Variants in SDK1 observed in about 807,000 individuals in gnomAD.
SDK1 encodes the protein sidekick cell adhesion molecule 1.
SDK1 carries 157 observed loss-of-function variants against 245.5 expected under a neutral mutation model. The observed-to-expected ratio is 0.64, with a 90% CI of 0.56 to 0.73. The LOEUF is 0.73. Among genes scored for constraint, SDK1 ranks in the 30% least tolerant of loss-of-function variants. The pLI is 0.00. For missense variants in SDK1, 3,583 were observed against 3,002.3 expected, an observed-to-expected ratio of 1.19 and a Z score of -4.52; for synonymous variants, 1,647 against 1,278.5, an observed-to-expected ratio of 1.29 and a Z score of -6.15.
Position 3,397,377 on chromosome 7 carries a change from G to T in SDK1, c.298+95493G>T, listed in dbSNP as rs982314612. Among the ~76,000 whole-genome samples the T allele has an allele frequency of 4.0e-5, 6 of 151,898 alleles. 1 individual carries two copies. In the South Asian group the frequency reaches 6.2e-4, roughly 16 times the overall value. On this transcript the variant is annotated intron_variant, in intron 1 of 44. Coordinates refer to ENST00000404826, the MANE Select transcript of SDK1 (RefSeq NM_152744.4). ...TGTTTCTTGTAGAGCAATTCTGCTGGTGACAAATTCTCTCATTTTTTCTTT... is the reference window on the plus strand; with the variant it reads ...TGTTTCTTGTAGAGCAATTCTGCTGTTGACAAATTCTCTCATTTTTTCTTT...
At chr7:4,013,158 T>G (rs1377778245) in intron 16 of SDK1, among the ~76,000 whole-genome samples, 1 of 152,220 alleles carries the variant, frequency 6.6e-6, no homozygotes, top group East Asian at 1.9e-4. Context: ...GCCAGTGTGC[T>G]GTCTTTGCTT....
chr7:3,524,198 G>C (rs1783040931), intron 1 of SDK1, among the ~76,000 whole-genome samples: 1 of 152,190 alleles, frequency 6.6e-6, no homozygotes, highest in Admixed American at 6.5e-5. Flanking sequence ...GGTATGAGAG[G>C]TGAGGTCAGG....
At chr7:3,881,020 C>T (rs1175754981) in intron 5 of SDK1, among the ~76,000 whole-genome samples, 2 of 152,156 alleles carry the variant, frequency 1.3e-5, no homozygotes, top group Non-Finnish European at 2.9e-5. Flanking sequence ...AGACCTTCAT[C>T]TCTGGTAGAC....
intron 1 of SDK1, among the ~76,000 whole-genome samples, chr7:3,613,299 C>T (rs1033590286): frequency 6.6e-6 from 1 of 152,022 alleles, no homozygotes; most frequent in African/African-American, 2.4e-5. Context: ...GGTCATGGTC[C>T]CTTTCTAGAT....
intron 4 of SDK1, among the ~76,000 whole-genome samples, chr7:3,711,262 C>G (rs1216882663): frequency 1.3e-5 from 2 of 152,164 alleles, no homozygotes; most frequent in African/African-American, 4.8e-5. Flanking sequence ...ATTTTGGAGA[C>G]TGTGCTAACC....
At chr7:3,582,753 C>T (rs977344263) in intron 1 of SDK1, among the ~76,000 whole-genome samples, 1 of 144,674 alleles carries the variant, frequency 6.9e-6, no homozygotes, top group African/African-American at 2.5e-5. Flanking sequence ...CTTAATTCCT[C>T]ATTGTAATTT....
At chr7:4,263,591 G>A (rs1317793838) in intron 44 of SDK1, among the ~76,000 whole-genome samples, 2 of 45,834 alleles carry the variant, frequency 4.4e-5, no homozygotes, top group Non-Finnish European at 8.5e-5. Context: ...GAGGGAGGCC[G>A]CGTAGACCTC....
intron 35 of SDK1, among the ~76,000 whole-genome samples, chr7:4,198,268 CAG>C (rs1324697106): frequency 6.6e-6 from 1 of 152,232 alleles, no homozygotes; most frequent in Non-Finnish European, 1.5e-5. Flanking sequence ...TTGCCCCTCA[CAG>C]AGTGGTCAGA....
chr7:3,679,718 A>G (rs1260702899), intron 4 of SDK1, among the ~76,000 whole-genome samples: 1 of 152,206 alleles, frequency 6.6e-6, no homozygotes, highest in Non-Finnish European at 1.5e-5. Context: ...CTTCCTACCT[A>G]TCAGAATAGC....
chr7:3,532,425 A>T (rs1005774487), intron 1 of SDK1, among the ~76,000 whole-genome samples: 1 of 152,132 alleles, frequency 6.6e-6, no homozygotes, highest in Admixed American at 6.6e-5. Flanking sequence ...GCTTAATGGG[A>T]GGTCACTGAC....
At chr7:4,035,528 G>C (rs1313466745) in intron 17 of SDK1, among the ~76,000 whole-genome samples, 6 of 152,110 alleles carry the variant, frequency 3.9e-5, no homozygotes, top group African/African-American at 7.2e-5. Flanking sequence ...TGGCAGATTT[G>C]TGTCTTTAAG....
At chr7:3,934,025 G>A (rs1175877061) in intron 5 of SDK1, among the ~76,000 whole-genome samples, 1 of 152,158 alleles carries the variant, frequency 6.6e-6, no homozygotes, top group African/African-American at 2.4e-5. Flanking sequence ...ACAGTCCTGG[G>A]GGCATTCACC....
At position 3,698,663 on chromosome 7, in the gene SDK1, A is replaced by T. The variant is rs115107172; in HGVS notation, c.713+56558A>T. Among the ~76,000 whole-genome samples, 786 of 152,266 alleles carry T rather than the reference A, an allele frequency of 5.2e-3. 9 individuals carry two copies. Among genetic ancestry groups the T allele is most frequent in the African/African-American group, 0.018 (745 of 41,562 alleles). ...TCTGGAGGCTAAAAGTTCAAGGTCA[A>T]GGTGCTGGCCAGCTCATTTCTTGGT... is the stretch of plus-strand genomic sequence containing the variant. On this transcript the variant is annotated intron_variant, in intron 4 of 44. Coordinates refer to ENST00000404826, the MANE Select transcript of SDK1 (RefSeq NM_152744.4).
chr7:3,774,825 C>T (rs1780504788), intron 4 of SDK1, among the ~76,000 whole-genome samples: 1 of 152,280 alleles, frequency 6.6e-6, no homozygotes, highest in South Asian at 2.1e-4. Flanking sequence ...TATTATTATC[C>T]AGACAACCAT....
At chr7:3,985,348 T>G in intron 13 of SDK1, among the ~76,000 whole-genome samples, 1 of 152,248 alleles carries the variant, frequency 6.6e-6, no homozygotes, top group Non-Finnish European at 1.5e-5. Flanking sequence ...CAGGTGGGAC[T>G]TTTTCAACAA....
At chr7:4,061,865 A>C (rs1356615109) in intron 19 of SDK1, among the ~76,000 whole-genome samples, 4 of 151,514 alleles carry the variant, frequency 2.6e-5, no homozygotes, top group African/African-American at 7.3e-5. Flanking sequence ...CATCATTCTC[A>C]GTAAACTATC....
rs929565412 is a variant in SDK1, at chr7:3,588,779, T to C, written c.299-30301T>C. ...AAATAGTTTATTATATGTGAGAAAA[T>C]TGATAAAAGTGTAAAGCTACTTTGC... On this transcript the variant is annotated intron_variant, in intron 1 of 44. Coordinates refer to ENST00000404826, the MANE Select transcript of SDK1 (RefSeq NM_152744.4). Among the ~76,000 whole-genome samples, 8 of 152,178 alleles carry C rather than the reference T, an allele frequency of 5.3e-5. No individual in the cohort carries two copies. The South Asian group carries it at 1.5e-3, about 28-fold the overall frequency.
intron 30 of SDK1, among the ~76,000 whole-genome samples, chr7:4,154,629 C>T (rs1342188647): frequency 5.3e-5 from 8 of 152,108 alleles, no homozygotes; most frequent in Admixed American, 6.5e-5. Flanking sequence ...ACGATCCACC[C>T]GACTCCATGA....
rs548213307 is a variant in SDK1, at chr7:3,558,841, TAAG to T, written c.299-60235_299-60233del. Among the ~76,000 whole-genome samples, 711 of 152,354 alleles carry T rather than the reference TAAG, an allele frequency of 4.7e-3. 6 individuals carry two copies. The highest frequency in any genetic ancestry group is 0.013 in the Admixed American group (203 of 15,306). ...ATTAGAGACTGTCAAAATTATTTCT[TAAG>T]AAGCATTTAAACAAATAATTTTTGT... On this transcript the variant is annotated intron_variant, in intron 1 of 44. Coordinates refer to ENST00000404826, the MANE Select transcript of SDK1 (RefSeq NM_152744.4).
Sources: gnomAD v4.1 joint callset for allele counts (sites outside exome capture counted in the v4.1 genomes callset) on GRCh38, gnomAD v4.1.1 for gene constraint, MANE v1.5 for transcripts, NCBI Gene and HGNC (gene_info 2026-07-23, HGNC 2026-07-21) for gene names.